The following ADGRL3 variants were observed in gnomAD, a reference collection of about 807,000 sequenced individuals.
ADGRL3 encodes calcium-independent alpha-latrotoxin receptor 3.
Under a neutral mutation model 153.5 loss-of-function variants are expected in ADGRL3, and 62 were observed. That is an observed-to-expected ratio of 0.40 (90% CI 0.33 to 0.50). The LOEUF is 0.50. ADGRL3 is among the 20% of genes least tolerant of loss of function. The pLI, the probability that ADGRL3 is intolerant of heterozygous loss-of-function variation, is 0.47. For synonymous variants in ADGRL3, 710 were observed against 672.5 expected, an observed-to-expected ratio of 1.06 and a Z score of -0.86; for missense variants, 1,641 against 1,859.4, an observed-to-expected ratio of 0.88 and a Z score of 2.16.
chr4:61,590,180 T>C (rs1175347568), intron 5 of ADGRL3, among the ~76,000 whole-genome samples: 1 of 152,114 alleles, frequency 6.6e-6, no homozygotes, highest in African/African-American at 2.4e-5. Context: ...ACCTATATTA[T>C]CATACAGCTG....
intron 5 of ADGRL3, among the ~76,000 whole-genome samples, chr4:61,668,675 A>C (rs754655803): frequency 1.6e-4 from 24 of 152,158 alleles, no homozygotes; most frequent in Non-Finnish European, 3.2e-4. Context: ...GTCCTCTGAA[A>C]TATCCTATAG....
chr4:61,825,325 G>C (rs1400157869), intron 9 of ADGRL3, among the ~76,000 whole-genome samples: 1 of 152,090 alleles, frequency 6.6e-6, no homozygotes, highest in Non-Finnish European at 1.5e-5. Context: ...TCAAATATTG[G>C]TATGATATTA....
At chr4:61,579,419 G>T (rs531997732) in intron 4 of ADGRL3, among the ~76,000 whole-genome samples, 261 of 152,190 alleles carry the variant, frequency 1.7e-3, no homozygotes, top group African/African-American at 6.1e-3. Context: ...TTTTAGAAAT[G>T]TTATTTCTCG....
chr4:61,749,313 G>A (rs1284709218), intron 8 of ADGRL3, among the ~76,000 whole-genome samples: 1 of 151,874 alleles, frequency 6.6e-6, no homozygotes, highest in African/African-American at 2.4e-5. Context: ...GATTCCTCAG[G>A]GATCTAGAAC....
chr4:61,539,264 A>C (rs2098675949), intron 4 of ADGRL3, among the ~76,000 whole-genome samples: 1 of 152,192 alleles, frequency 6.6e-6, no homozygotes, highest in South Asian at 2.1e-4. Context: ...TCTCCGGGGC[A>C]CTGATGCCAG....
At chr4:62,002,671 C>T (rs1036875905) in intron 21 of ADGRL3, among the ~76,000 whole-genome samples, 1 of 151,800 alleles carries the variant, frequency 6.6e-6, no homozygotes, top group African/African-American at 2.4e-5. Context: ...TAATACATGC[C>T]TGTATTATTT....
intron 1 of ADGRL3, among the ~76,000 whole-genome samples, chr4:61,271,214 G>A (rs1211962659): frequency 6.6e-6 from 1 of 151,846 alleles, no homozygotes; most frequent in African/African-American, 2.4e-5. Context: ...GTAAATCTTT[G>A]CTCTTCACAG....
chr4:61,403,633 T>G (rs1578667040), intron 2 of ADGRL3, among the ~76,000 whole-genome samples: 1 of 152,188 alleles, frequency 6.6e-6, no homozygotes, highest in East Asian at 1.9e-4. Context: ...TTTTAACAAA[T>G]TATTGAACCC....
At chr4:61,325,592 G>C (rs2095447373) in intron 1 of ADGRL3, among the ~76,000 whole-genome samples, 1 of 152,046 alleles carries the variant, frequency 6.6e-6, no homozygotes, top group Non-Finnish European at 1.5e-5. Flanking sequence ...TATAATTCTA[G>C]GTGTTGAGGG....
intron 1 of ADGRL3, among the ~76,000 whole-genome samples, chr4:61,230,885 C>T (rs879109077): frequency 6.6e-6 from 1 of 152,182 alleles, no homozygotes; most frequent in Admixed American, 6.6e-5. Flanking sequence ...GAGAGTACAG[C>T]CTCCTGGGGA....
At chr4:61,456,850 A>G (rs756128714) in intron 2 of ADGRL3, among the ~76,000 whole-genome samples, 12 of 151,926 alleles carry the variant, frequency 7.9e-5, no homozygotes, top group Non-Finnish European at 1.8e-4. Context: ...GTATACATCA[A>G]TTTTTATTCT....
At chr4:61,641,922 G>A (rs7378181) in intron 5 of ADGRL3, among the ~76,000 whole-genome samples, 46,465 of 139,328 alleles carry the variant, frequency 0.33, 8,310 homozygotes, top group East Asian at 0.49. Flanking sequence ...AAGTGTTCCT[G>A]TTTCTCCACA....
At chr4:61,903,823 A>G (rs1411006173) in intron 11 of ADGRL3, among the ~76,000 whole-genome samples, 1 of 151,996 alleles carries the variant, frequency 6.6e-6, no homozygotes, top group East Asian at 1.9e-4. Flanking sequence ...CCCAGGCTGA[A>G]GTGCTGTGGC....
intron 1 of ADGRL3, among the ~76,000 whole-genome samples, chr4:61,381,327 GTGTGTGTT>G (rs1430483307): frequency 7.3e-6 from 1 of 136,250 alleles, no homozygotes; most frequent in Admixed American, 7.6e-5. Context: ...GTGTGTGTGT[GTGTGTGTT>G]TAATTAAGAA....
chr4:61,721,406 T>C (rs1010879146), intron 6 of ADGRL3, among the ~76,000 whole-genome samples: 1 of 152,124 alleles, frequency 6.6e-6, no homozygotes, highest in Non-Finnish European at 1.5e-5. Context: ...GTGTGATGTG[T>C]GAGGGCAGGA....
At chr4:61,791,024 T>C (rs1035611455) in intron 8 of ADGRL3, among the ~76,000 whole-genome samples, 1 of 152,184 alleles carries the variant, frequency 6.6e-6, no homozygotes, top group Admixed American at 6.5e-5. Flanking sequence ...CAATTCAAGA[T>C]GAGATTTGGG....
Position 61,998,579 on chromosome 4 carries a change from T to A in ADGRL3, c.3395+314T>A, listed in dbSNP as rs369958428. Among the ~76,000 whole-genome samples the A allele has an allele frequency of 3.6e-4, 55 of 151,954 alleles. No individual in the cohort carries two copies. In the East Asian group the frequency reaches 5.6e-3, roughly 16 times the overall value. Reference sequence around the variant, plus strand: ...TAGGGCAGGTTATTCTTTTTTTTTTTTTTATTTAATTTTGAGATGGAGTTT... The same window carrying A: ...TAGGGCAGGTTATTCTTTTTTTTTTATTTATTTAATTTTGAGATGGAGTTT... On this transcript the variant is annotated intron_variant, in intron 21 of 26. Coordinates refer to ENST00000683033, the MANE Select transcript of ADGRL3 (RefSeq NM_001387552.1).
intron 1 of ADGRL3, among the ~76,000 whole-genome samples, chr4:61,227,067 A>G (rs1577911699): frequency 1.3e-5 from 2 of 151,918 alleles, no homozygotes; most frequent in South Asian, 2.1e-4. Context: ...TCTGAAGTTT[A>G]ACTTGAATTA....
intron 6 of ADGRL3, among the ~76,000 whole-genome samples, chr4:61,708,085 T>C (rs6551645): frequency 0.71 from 107,956 of 151,976 alleles, 39,463 homozygotes; most frequent in East Asian, 0.93. Flanking sequence ...GGTCACTTGG[T>C]GCTGCTTTAT....
Sources: gnomAD v4.1 joint callset for allele counts (sites outside exome capture counted in the v4.1 genomes callset) on GRCh38, gnomAD v4.1.1 for gene constraint, MANE v1.5 for transcripts, NCBI Gene and HGNC (gene_info 2026-07-23, HGNC 2026-07-21) for gene names.